Variants in ZC3HAV1L observed in about 807,000 individuals in gnomAD.
ZC3HAV1L encodes the protein zinc finger CCCH-type antiviral protein 1-like.
ZC3HAV1L carries 23 observed loss-of-function variants against 28.2 expected under a neutral mutation model. That is an observed-to-expected ratio of 0.82 (90% confidence interval 0.59 to 1.16). The LOEUF (loss-of-function observed/expected upper bound fraction) is 1.16. Ranked by LOEUF, ZC3HAV1L falls within the 50% of genes most tolerant of loss-of-function variation. The pLI is 0.00. For synonymous variants in ZC3HAV1L, 180 were observed against 163.4 expected (o/e 1.10, Z -0.78); for missense variants, 376 against 387.7 (o/e 0.97, Z 0.25).
rs1209357656 is a variant in ZC3HAV1L, at chr7:139,035,916, C to G, written c.102G>C (p.Glu34Asp). The change falls in exon 1 of 5, where the codon GAG becomes GAC. Residue 34 changes from glutamate to aspartate, a missense_variant. Glu to Asp is a conservative substitution (Grantham distance 45). Transcript: ENST00000275766. ...GCTGCAGCACGTCCCGGAGCCTGGC[C>G]TCCGACAGCTCCACGTGGCCGCGCA... ...KDLRGHVELSEARLRDVLQRA... is the reference protein window; with the variant it reads ...KDLRGHVELSDARLRDVLQRA... 3 of 1,512,922 alleles carry G rather than the reference C, an allele frequency of 2.0e-6. No individual in the cohort carries two copies. The African/African-American group carries it at 4.3e-5, about 22-fold the overall frequency. 93.7% of individuals were successfully genotyped at this position (1,512,922 alleles called of 1,614,324 possible).
At chr7:139,021,743 G>A (rs2130619936), downstream of ZC3HAV1L, among the ~76,000 whole-genome samples, 1 of 152,058 alleles carries the variant, frequency 6.6e-6, no homozygotes, top group East Asian at 1.9e-4. Flanking sequence ...AATAGAAGAT[G>A]TTATTTCTGT....
chr7:139,035,660 C>A lies in ZC3HAV1L; in HGVS notation c.358G>T (p.Asp120Tyr). 6.9e-7 allele frequency: 1 copy of A among 1,443,966 alleles called. No individual in the cohort carries two copies. The highest frequency in any genetic ancestry group is 2.8e-5 in the Admixed American group (1 of 35,780). The allele number at this position is 1,443,966 out of a possible 1,614,324, so 89.4% of individuals were successfully genotyped here. Reference protein sequence around the residue: ...RHMLGKCPNRDCWSTCTLSHD... With the variant: ...RHMLGKCPNRYCWSTCTLSHD... ...CCGCCGCCGCCTTCTCACCAGCAGT[C>A]CCGGTTGGGGCACTTGCCCAGCATG... The change falls in exon 1 of 5, where the codon GAC (aspartate) becomes TAC (tyrosine). Residue 120 changes from aspartate (D) to tyrosine (Y), a missense_variant. Asp to Tyr is a radical substitution (Grantham distance 160). Transcript: ENST00000275766.
At chr7:139,030,946 C>T (rs1815513416) in intron 2 of ZC3HAV1L, among the ~76,000 whole-genome samples, 1 of 152,036 alleles carries the variant, frequency 6.6e-6, no homozygotes, top group Admixed American at 6.5e-5. Flanking sequence ...TCAGTCAAAT[C>T]TAAAATATGG....
chr7:139,034,996 A>G, intron 1 of ZC3HAV1L: 1 of 985,422 alleles, frequency 1.0e-6, no homozygotes, highest in Non-Finnish European at 1.2e-6. Context: ...ACAGTCCACC[A>G]ACGTTAAAAA....
At chr7:139,023,821 A>T (rs532909229), downstream of ZC3HAV1L, among the ~76,000 whole-genome samples, 1 of 152,334 alleles carries the variant, frequency 6.6e-6, no homozygotes, top group African/African-American at 2.4e-5. Context: ...ATGCAGGAAG[A>T]TGATGAGGGT....
downstream of ZC3HAV1L, among the ~76,000 whole-genome samples, chr7:139,025,448 C>CAAAA (rs1243191747): frequency 2.0e-5 from 2 of 99,368 alleles, no homozygotes; most frequent in African/African-American, 8.5e-5. Flanking sequence ...AACTCTGTCT[C>CAAAA]CAAAAAAAAA....
downstream of ZC3HAV1L, among the ~76,000 whole-genome samples, chr7:139,023,182 G>GAAAAAAAAAAAAA (rs565321825): frequency 2.2e-3 from 227 of 103,092 alleles, 2 homozygotes; most frequent in African/African-American, 6.3e-3. Context: ...AAGGAAAAAA[G>GAAAAAAAAAAAAA]AAAAAAAAAA....
chr7:139,034,769 T>C (rs1815648070), intron 1 of ZC3HAV1L, 91 bp from the exon 2 acceptor site: 2 of 1,526,362 alleles, frequency 1.3e-6, no homozygotes, highest in African/African-American at 2.8e-5. Flanking sequence ...ATGTATTTAA[T>C]ACATGTGAAG....
chr7:139,029,228 C>T (rs570426195), intron 2 of ZC3HAV1L, among the ~76,000 whole-genome samples: 1 of 152,270 alleles, frequency 6.6e-6, no homozygotes, highest in African/African-American at 2.4e-5. Context: ...GTCTCCAACT[C>T]CTCACCTCAG....
downstream of ZC3HAV1L, chr7:139,025,603 C>T (rs1426758460): frequency 6.6e-6 from 1 of 152,138 alleles, no homozygotes; most frequent in South Asian, 2.1e-4. Context: ...AAATTTGAGG[C>T]CTCGTTAAAG....
At chr7:139,028,526 C>T (rs377471210) in intron 3 of ZC3HAV1L, among the ~76,000 whole-genome samples, 176 bp downstream of exon 3, 4 of 152,090 alleles carry the variant, frequency 2.6e-5, no homozygotes, top group Admixed American at 2.0e-4. Flanking sequence ...TTAGGATCAC[C>T]GTTCTATACA....
At chr7:139,025,001 G>C (rs564683205), downstream of ZC3HAV1L, among the ~76,000 whole-genome samples, 1 of 152,220 alleles carries the variant, frequency 6.6e-6, no homozygotes, top group African/African-American at 2.4e-5. Context: ...AGGGAGGAAG[G>C]GAGAAGGGAG....
Position 139,035,829 on chromosome 7 carries a change from C to T in ZC3HAV1L, c.189G>A (p.Ala63=), listed in dbSNP as rs1166526311. Residue 63 remains alanine (A), a synonymous_variant, in exon 1 of 5, where the codon GCG becomes GCA. Coordinates refer to ENST00000275766, the MANE Select transcript of ZC3HAV1L (RefSeq NM_080660.4). ...CCGCGCCGGCCGCCGCCTCGGCCTC[C>T]GCGTCCCCGAGGCCCTCCTGCGTCT... is the stretch of plus-strand genomic sequence containing the variant. ...EVETQEGLGD[A]EAEAAAGAVG... 8 of 1,485,856 alleles carry T rather than the reference C, an allele frequency of 5.4e-6. No homozygotes were observed. The African/African-American group carries it at 1.0e-4, about 19-fold the overall frequency. 92.0% of individuals were successfully genotyped at this position (1,485,856 alleles called of 1,614,324 possible).
At chr7:139,035,222 C>T in intron 1 of ZC3HAV1L, 1 of 985,450 alleles carries the variant, frequency 1.0e-6, no homozygotes, top group South Asian at 4.7e-5. Flanking sequence ...CGCAGACCCG[C>T]TTCTGCACAA....
downstream of ZC3HAV1L, among the ~76,000 whole-genome samples, chr7:139,023,305 A>C (rs898558687): frequency 6.6e-6 from 1 of 152,154 alleles, no homozygotes; most frequent in Admixed American, 6.6e-5. Context: ...TAAAAACTCG[A>C]CTAAAGTCAA....
At chr7:139,029,246 G>A (rs1428754226) in intron 2 of ZC3HAV1L, among the ~76,000 whole-genome samples, 2 of 152,088 alleles carry the variant, frequency 1.3e-5, no homozygotes, top group Admixed American at 6.6e-5. Flanking sequence ...CAGGTGATCT[G>A]CCCACCTCAG....
intron 2 of ZC3HAV1L, among the ~76,000 whole-genome samples, chr7:139,031,901 T>A (rs1488001958): frequency 6.6e-6 from 1 of 151,870 alleles, no homozygotes; most frequent in East Asian, 1.9e-4. Context: ...CAAGATTCCA[T>A]CTCAAAAAAA....
In ZC3HAV1L at chr7:139,031,605, CA is replaced by C. The variant is rs928018148; in HGVS notation, c.502-2646del. On this transcript the variant is annotated intron_variant, in intron 2 of 4. Transcript: ENST00000275766. ...TGTCTACAAAACAAACAAACAAAAA[CA>C]AAAAAAAGTATCTGGGGGCCAGGCG... 2.7e-5 allele frequency among the ~76,000 whole-genome samples: 4 copies of C among 146,372 alleles called. No individual in the cohort carries two copies. The East Asian group carries it at 8.3e-4, about 30-fold the overall frequency.
chr7:139,026,869 C>T (rs1457953692), intron 3 of ZC3HAV1L, 36 bp from the exon 4 acceptor site: 1 of 1,583,908 alleles, frequency 6.3e-7, no homozygotes, highest in Admixed American at 1.8e-5. Context: ...TCCTACGATA[C>T]CCCAAGTTTC....
Sources: allele counts gnomAD v4.1 joint callset (sites outside exome capture counted in the v4.1 genomes callset), GRCh38; gene constraint gnomAD v4.1.1; transcripts MANE v1.5; gene names NCBI Gene and HGNC (gene_info 2026-07-23, HGNC 2026-07-21).